The following TRPM3 variants were observed in gnomAD, a reference collection of about 807,000 sequenced individuals.
The protein encoded by TRPM3 is long transient receptor potential channel 3.
Under a neutral mutation model 181.2 loss-of-function variants are expected in TRPM3, and 77 were observed. The observed-to-expected ratio is 0.42, with a 90% CI of 0.35 to 0.51. TRPM3 has a LOEUF of 0.51. TRPM3 is among the 20% of genes least tolerant of loss of function. TRPM3 has a pLI of 0.01. For synonymous variants in TRPM3, 745 were observed against 796.4 expected (o/e 0.94, Z 1.09); for missense variants, 1,759 against 2,196.7 (o/e 0.80, Z 3.98).
chr9:70,765,580 C>A (rs11142574), intron 7 of TRPM3, among the ~76,000 whole-genome samples: 23,209 of 151,970 alleles, frequency 0.15, 2,367 homozygotes, highest in East Asian at 0.39. Context: ...CAGCAAAGCA[C>A]GACTCCATCT....
chr9:71,185,770 T>C (rs373702636), intron 1 of TRPM3, among the ~76,000 whole-genome samples: 5 of 152,212 alleles, frequency 3.3e-5, no homozygotes, highest in African/African-American at 1.2e-4. Context: ...CGTCTCATCC[T>C]TGAGCTCAAT....
At chr9:70,955,511 G>A (rs186176481) in intron 1 of TRPM3, among the ~76,000 whole-genome samples, 116 of 152,036 alleles carry the variant, frequency 7.6e-4, no homozygotes, top group Non-Finnish European at 1.4e-3. Flanking sequence ...TGATTTTCAC[G>A]GCAATTTTAT....
chr9:70,887,268 C>A lies in TRPM3; in HGVS notation c.178-22757G>T, dbSNP rs2096105270. On this transcript the variant is annotated intron_variant, in intron 1 of 25. Transcript: ENST00000677713. Reference sequence around the variant, plus strand: ...ATTGTGTCCTGTCAACATGTAGTCTCCTTCCTAACTCCAATGTTGAAGTCA... The same window carrying A: ...ATTGTGTCCTGTCAACATGTAGTCTACTTCCTAACTCCAATGTTGAAGTCA... Among the ~76,000 whole-genome samples, 5 of 152,092 alleles carry A rather than the reference C, an allele frequency of 3.3e-5. No individual in the cohort carries two copies. In the South Asian group the frequency reaches 1.0e-3, roughly 32 times the overall value.
chr9:71,255,632 A>C (rs2132042777), intron 1 of TRPM3, among the ~76,000 whole-genome samples: 1 of 152,342 alleles, frequency 6.6e-6, no homozygotes, highest in East Asian at 1.9e-4. Context: ...TTCTGGTTTA[A>C]TTTCTTGAGT....
rs549632721 is a variant in TRPM3 at position 70,957,616 on chromosome 9, C to T, written c.178-93105G>A. On this transcript the variant is annotated intron_variant, in intron 1 of 25. Coordinates refer to ENST00000677713, the MANE Select transcript of TRPM3 (RefSeq NM_001366145.2). Reference sequence around the variant, plus strand: ...ATTTAGCAGCATGCTTGGCTGCATTCGGTTCATAAATACTCATTCCTCTGT... The same window carrying T: ...ATTTAGCAGCATGCTTGGCTGCATTTGGTTCATAAATACTCATTCCTCTGT... 1.1e-4 allele frequency among the ~76,000 whole-genome samples: 17 copies of T among 152,276 alleles called. No individual in the cohort carries two copies. In the East Asian group the frequency reaches 3.1e-3, roughly 28 times the overall value.
intron 7 of TRPM3, among the ~76,000 whole-genome samples, chr9:70,781,248 C>A (rs1048308205): frequency 1.4e-4 from 21 of 147,866 alleles, no homozygotes; most frequent in African/African-American, 4.5e-4. Flanking sequence ...TGGGGTAAAC[C>A]CAGGAGGTGG....
At chr9:70,619,536 C>A (rs1476372209) in intron 16 of TRPM3, among the ~76,000 whole-genome samples, 1 of 148,844 alleles carries the variant, frequency 6.7e-6, no homozygotes, top group Non-Finnish European at 1.5e-5. Flanking sequence ...ACCTTAGCTT[C>A]CTGAGCAGCT....
chr9:70,960,587 T>C lies in TRPM3; in HGVS notation c.178-96076A>G, dbSNP rs543740949. Among the ~76,000 whole-genome samples, 27 of 152,302 alleles carry C rather than the reference T, an allele frequency of 1.8e-4. No homozygotes were observed. In the East Asian group the frequency reaches 4.8e-3, roughly 27 times the overall value. On this transcript the variant is annotated intron_variant, in intron 1 of 25. Coordinates refer to ENST00000677713, the MANE Select transcript of TRPM3 (RefSeq NM_001366145.2). ...AAGAGCGATGTTGTAGCAGGAATAC[T>C]GGGAGGCAGGAAAGTCTGAGGCCTC...
At chr9:71,199,702 G>T (rs2078647682) in intron 1 of TRPM3, among the ~76,000 whole-genome samples, 1 of 151,534 alleles carries the variant, frequency 6.6e-6, no homozygotes, top group Non-Finnish European at 1.5e-5. Flanking sequence ...TTGTATTTCT[G>T]TGGGATCGGT....
At chr9:70,841,788 A>G (rs2094684887) in intron 5 of TRPM3, among the ~76,000 whole-genome samples, 2 of 150,802 alleles carry the variant, frequency 1.3e-5, no homozygotes, top group Non-Finnish European at 3.0e-5. Flanking sequence ...TTGCAGCAAC[A>G]TGGATGGAAC....
intron 1 of TRPM3, among the ~76,000 whole-genome samples, chr9:71,145,276 G>A (rs1225762201): frequency 6.6e-6 from 1 of 152,080 alleles, no homozygotes; most frequent in African/African-American, 2.4e-5. Flanking sequence ...AGTCTAATAG[G>A]GTAACTTCCC....
At chr9:71,401,634 G>C (rs868499949) in intron 1 of TRPM3, among the ~76,000 whole-genome samples, 2 of 152,200 alleles carry the variant, frequency 1.3e-5, no homozygotes, top group African/African-American at 4.8e-5. Flanking sequence ...TCTGAAAGCA[G>C]TTTTGTAATA....
At chr9:70,658,687 T>C (rs547281992) in intron 9 of TRPM3, among the ~76,000 whole-genome samples, 7 of 152,236 alleles carry the variant, frequency 4.6e-5, no homozygotes, top group African/African-American at 1.7e-4. Flanking sequence ...TGGACAATTG[T>C]TGTCTTGTTT....
intron 25 of TRPM3, among the ~76,000 whole-genome samples, chr9:70,542,993 A>G (rs182057894): frequency 6.6e-6 from 1 of 152,102 alleles, no homozygotes; most frequent in Admixed American, 6.5e-5. Flanking sequence ...GGAGAAAAAG[A>G]GAAACAAGTT....
chr9:71,084,288 T>G lies in TRPM3; in HGVS notation c.177+36890A>C, dbSNP rs567670314. On this transcript the variant is annotated intron_variant, in intron 1 of 25. Coordinates refer to ENST00000677713, the MANE Select transcript of TRPM3 (RefSeq NM_001366145.2). ...TAAAATAAAAACTGCTCTAAGAATC[T>G]GTAATTGCACATGGCTTCACATAGC... Among the ~76,000 whole-genome samples the G allele has an allele frequency of 2.6e-5, 4 of 152,174 alleles. No homozygotes were observed. The South Asian group carries it at 8.3e-4, about 32-fold the overall frequency.
chr9:70,683,428 C>CTTTTTTTTT (rs575176948), intron 8 of TRPM3, among the ~76,000 whole-genome samples: 904 of 57,430 alleles, frequency 0.016, 104 homozygotes, highest in Non-Finnish European at 0.022. Flanking sequence ...TCTCTCTCTC[C>CTTTTTTTTT]TTTTTTTTTT....
intron 1 of TRPM3, among the ~76,000 whole-genome samples, chr9:70,900,779 C>T (rs2096373630): frequency 6.6e-6 from 1 of 152,136 alleles, no homozygotes; most frequent in Non-Finnish European, 1.5e-5. Flanking sequence ...TGGTTTCAGG[C>T]TTGTAAGACT....
intron 1 of TRPM3, among the ~76,000 whole-genome samples, chr9:71,413,937 T>TATACTCATGCTCAGTGAG (rs2093600751): frequency 6.6e-6 from 1 of 152,070 alleles, no homozygotes; most frequent in Non-Finnish European, 1.5e-5. Context: ...TGAGCATGTT[T>TATACTCATGCTCAGTGAG]ATCTCCTCAC....
intron 25 of TRPM3, among the ~76,000 whole-genome samples, chr9:70,546,676 GAAA>G (rs76948604): frequency 2.3e-5 from 2 of 86,588 alleles, no homozygotes; most frequent in African/African-American, 7.6e-5. Context: ...CTCCTCATCG[GAAA>G]AAAAAAAAAA....
Sources: allele counts gnomAD v4.1 joint callset (sites outside exome capture counted in the v4.1 genomes callset), GRCh38; gene constraint gnomAD v4.1.1; transcripts MANE v1.5; gene names NCBI Gene and HGNC (gene_info 2026-07-23, HGNC 2026-07-21).